NUDT3: variants seen among roughly 807,000 people sequenced by gnomAD.
NUDT3 encodes nudix hydrolase 3, also known as diphosphoinositol polyphosphate phosphohydrolase 1.
Under a neutral mutation model 23.6 loss-of-function variants are expected in NUDT3, and 9 were observed. That is an observed-to-expected ratio of 0.38 (90% CI 0.23 to 0.66). The LOEUF (loss-of-function observed/expected upper bound fraction) is 0.66. Among genes scored for constraint, NUDT3 ranks in the 30% least tolerant of loss-of-function variants. The pLI, the probability that NUDT3 is intolerant of heterozygous loss-of-function variation, is 0.52. For synonymous variants in NUDT3, 86 were observed against 82.6 expected, an observed-to-expected ratio of 1.04 and a Z score of -0.22; for missense variants, 172 against 218.5, an observed-to-expected ratio of 0.79 and a Z score of 1.34.
intron 2 of NUDT3, among the ~76,000 whole-genome samples, chr6:34,299,507 C>G (rs1763565348): frequency 6.6e-6 from 1 of 152,064 alleles, no homozygotes; most frequent in South Asian, 2.1e-4. Flanking sequence ...TCACTGCAGC[C>G]TTGAACTCCT....
At chr6:34,356,252 A>T (rs190858058) in intron 1 of NUDT3, among the ~76,000 whole-genome samples, 1 of 152,338 alleles carries the variant, frequency 6.6e-6, no homozygotes, top group Non-Finnish European at 1.5e-5. Context: ...CACAAAAATT[A>T]AAAATTACAT....
chr6:34,300,966 T>G (rs1443103863), intron 2 of NUDT3, among the ~76,000 whole-genome samples: 1 of 152,236 alleles, frequency 6.6e-6, no homozygotes, highest in African/African-American at 2.4e-5. Context: ...ATTAACAGTA[T>G]TTGCTGCAAG....
intron 2 of NUDT3, among the ~76,000 whole-genome samples, chr6:34,324,282 G>A (rs1352172096): frequency 4.0e-5 from 6 of 151,748 alleles, no homozygotes; most frequent in Non-Finnish European, 8.8e-5. Flanking sequence ...TTGAACCCAG[G>A]AGGCAGAGGT....
chr6:34,387,238 T>C (rs1181615972), intron 1 of NUDT3, among the ~76,000 whole-genome samples: 43 of 151,666 alleles, frequency 2.8e-4, no homozygotes, highest in Admixed American at 2.8e-3. Flanking sequence ...GAGTGTATTC[T>C]ATTTTTTTAA....
chr6:34,293,678 A>G (rs1763457513), intron 3 of NUDT3, 143 bp from the exon 4 acceptor site: 1 of 941,930 alleles, frequency 1.1e-6, no homozygotes, highest in Non-Finnish European at 1.5e-6. Flanking sequence ...CTACAGTTAT[A>G]GCTACATGAT....
chr6:34,378,031 G>C (rs541995972), intron 1 of NUDT3, among the ~76,000 whole-genome samples: 4 of 151,904 alleles, frequency 2.6e-5, no homozygotes, highest in African/African-American at 9.7e-5. Flanking sequence ...AAATGGCCAG[G>C]TGCAGCGGCT....
chr6:34,345,619 C>T (rs1303746336), intron 1 of NUDT3, among the ~76,000 whole-genome samples: 2 of 144,906 alleles, frequency 1.4e-5, no homozygotes, highest in African/African-American at 2.6e-5. Flanking sequence ...ACCGAGATTG[C>T]GCCACGGCAG....
At chr6:34,366,531 G>A in intron 1 of NUDT3, among the ~76,000 whole-genome samples, 1 of 129,192 alleles carries the variant, frequency 7.7e-6, no homozygotes, top group Non-Finnish European at 1.6e-5. Flanking sequence ...GTAGTGCCAG[G>A]GGCAGAGAGG....
At chr6:34,389,715 G>A (rs904503444) in intron 1 of NUDT3, among the ~76,000 whole-genome samples, 1 of 152,132 alleles carries the variant, frequency 6.6e-6, no homozygotes, top group African/African-American at 2.4e-5. Flanking sequence ...TGTAATCCCA[G>A]CACTTTGGGC....
chr6:34,340,226 C>T (rs886184471), intron 2 of NUDT3, among the ~76,000 whole-genome samples: 7 of 152,160 alleles, frequency 4.6e-5, no homozygotes, highest in African/African-American at 1.4e-4. Flanking sequence ...AGCACTTGGG[C>T]TCTTAATACT....
intron 1 of NUDT3, among the ~76,000 whole-genome samples, chr6:34,362,461 C>T (rs73403939): frequency 0.029 from 4,469 of 152,126 alleles, 200 homozygotes; most frequent in African/African-American, 0.098. Context: ...CAGGTATGAG[C>T]TAGTGGGCTA....
chr6:34,316,139 C>G (rs1240912578), intron 2 of NUDT3, among the ~76,000 whole-genome samples: 1 of 152,208 alleles, frequency 6.6e-6, no homozygotes, highest in East Asian at 1.9e-4. Context: ...ACTGGGATTA[C>G]AGGTGTGAGT....
Position 34,295,632 on chromosome 6 carries a change from C to T in NUDT3, c.255+9G>A. On this transcript the variant is annotated intron_variant, in intron 3 of 4. Coordinates refer to ENST00000607016, the MANE Select transcript of NUDT3 (RefSeq NM_006703.4). ...ATATCATTTGTACCAAAGATTTTAA[C>T]AGACTTACCTCAAAAATTCCAACTA... is the stretch of plus-strand genomic sequence containing the variant. The T allele has an allele frequency of 1.9e-6, 3 of 1,613,262 alleles. No individual in the cohort carries two copies. The highest frequency in any genetic ancestry group is 2.5e-6 in the Non-Finnish European group (3 of 1,179,574).
intron 2 of NUDT3, among the ~76,000 whole-genome samples, chr6:34,322,389 A>C (rs1021642696): frequency 1.3e-5 from 2 of 152,028 alleles, no homozygotes; most frequent in African/African-American, 2.4e-5. Flanking sequence ...GCCACCACGC[A>C]CAGCTAATTT....
intron 2 of NUDT3, among the ~76,000 whole-genome samples, chr6:34,319,282 G>A (rs184875251): frequency 6.6e-6 from 1 of 152,248 alleles, no homozygotes; most frequent in East Asian, 1.9e-4. Flanking sequence ...CCAAGGTTGA[G>A]GGCTCAGTCC....
intron 1 of NUDT3, among the ~76,000 whole-genome samples, chr6:34,371,384 T>G (rs1423980626): frequency 4.0e-5 from 6 of 151,770 alleles, no homozygotes; most frequent in African/African-American, 1.5e-4. Flanking sequence ...GAGAATTGCT[T>G]GAACCCAGGA....
chr6:34,316,443 T>C (rs779002356), intron 2 of NUDT3, among the ~76,000 whole-genome samples: 1 of 152,164 alleles, frequency 6.6e-6, no homozygotes, highest in African/African-American at 2.4e-5. Flanking sequence ...ATAGAAGAGA[T>C]ATAAATGAGC....
intron 2 of NUDT3, among the ~76,000 whole-genome samples, chr6:34,319,039 T>TAAA (rs57832381): frequency 1.4e-5 from 2 of 140,746 alleles, no homozygotes; most frequent in East Asian, 2.0e-4. Flanking sequence ...GCTGGGACAG[T>TAAA]AAAAAAAAAA....
intron 2 of NUDT3, among the ~76,000 whole-genome samples, chr6:34,298,487 C>T (rs941916498): frequency 1.3e-5 from 2 of 148,436 alleles, no homozygotes; most frequent in African/African-American, 2.6e-5. Context: ...TGTAAAAGTA[C>T]CTATTTGAAA....
Sources: gnomAD v4.1 joint callset for allele counts (sites outside exome capture counted in the v4.1 genomes callset) on GRCh38, gnomAD v4.1.1 for gene constraint, MANE v1.5 for transcripts, NCBI Gene and HGNC (gene_info 2026-07-23, HGNC 2026-07-21) for gene names.